ST3GAL3: variants seen among roughly 807,000 people sequenced by gnomAD.
ST3GAL3 encodes the protein ST3 beta-galactoside alpha-2,3-sialyltransferase 3.
ST3GAL3 carries 21 observed loss-of-function variants against 50.1 expected under a neutral mutation model. The observed-to-expected ratio is 0.42, with a 90% CI of 0.30 to 0.60. ST3GAL3 has a LOEUF of 0.60. Among genes scored for constraint, ST3GAL3 ranks in the 20% least tolerant of loss-of-function variants. The probability of loss-of-function intolerance (pLI) is 0.19; values close to 1 mark genes in which losing one functional copy is unlikely to be tolerated. For synonymous variants in ST3GAL3, 183 were observed against 190.0 expected, an observed-to-expected ratio of 0.96 and a Z score of 0.30; for missense variants, 353 against 489.4, an observed-to-expected ratio of 0.72 and a Z score of 2.63.
chr1:43,716,735 G>T (rs916937962), intron 1 of ST3GAL3, among the ~76,000 whole-genome samples: 17 of 152,168 alleles, frequency 1.1e-4, no homozygotes, highest in Admixed American at 1.1e-3. Flanking sequence ...ATCTGACTTA[G>T]GGACTGCATG....
At chr1:43,815,883 T>TTGGATGGATGGATGGA (rs3838469) in intron 4 of ST3GAL3, among the ~76,000 whole-genome samples, 176 of 145,392 alleles carry the variant, frequency 1.2e-3, no homozygotes, top group African/African-American at 3.0e-3. Context: ...GAATGCTTGG[T>TTGGATGGATGGATGGA]TGGATGGATG....
intron 5 of ST3GAL3, chr1:43,851,051 C>T (rs374926953): frequency 3.5e-6 from 3 of 847,310 alleles, no homozygotes; most frequent in African/African-American, 1.7e-5. Flanking sequence ...CTGATATGTG[C>T]CATGTCCACC....
At chr1:43,803,171 G>A (rs987837784) in intron 3 of ST3GAL3, among the ~76,000 whole-genome samples, 10 of 152,070 alleles carry the variant, frequency 6.6e-5, no homozygotes, top group South Asian at 2.1e-4. Context: ...TGATCCGCCC[G>A]CGTTGGCCTC....
intron 3 of ST3GAL3, among the ~76,000 whole-genome samples, chr1:43,797,848 C>T (rs918264835): frequency 2.0e-5 from 3 of 152,140 alleles, no homozygotes; most frequent in Non-Finnish European, 4.4e-5. Flanking sequence ...AAGGAATCTA[C>T]AAAAACATTC....
chr1:43,781,300 C>T (rs1265498254), intron 2 of ST3GAL3, among the ~76,000 whole-genome samples: 1 of 152,118 alleles, frequency 6.6e-6, no homozygotes, highest in Non-Finnish European at 1.5e-5. Context: ...TGTGACCTGA[C>T]TTAAAAATGA....
At chr1:43,843,820 G>T (rs1558544258) in intron 5 of ST3GAL3, among the ~76,000 whole-genome samples, 1 of 152,124 alleles carries the variant, frequency 6.6e-6, no homozygotes. Context: ...GACACTAATG[G>T]GTGTCCTATA....
chr1:43,790,016 G>A (rs16831192), intron 2 of ST3GAL3, among the ~76,000 whole-genome samples: 7,768 of 152,218 alleles, frequency 0.051, 654 homozygotes, highest in African/African-American at 0.18. Context: ...TTTCTTGGCA[G>A]ATTTCAAAGC....
At chr1:43,890,128 T>G (rs984704735) in intron 5 of ST3GAL3, among the ~76,000 whole-genome samples, 5 of 152,168 alleles carry the variant, frequency 3.3e-5, no homozygotes, top group Non-Finnish European at 5.9e-5. Context: ...AAAAAAATTA[T>G]AGTTAAAATT....
chr1:43,893,367 G>C (rs1046759425), intron 5 of ST3GAL3, among the ~76,000 whole-genome samples: 1 of 152,222 alleles, frequency 6.6e-6, no homozygotes. Context: ...AGGCCCCATT[G>C]CAGAATTCTC....
chr1:43,849,749 C>T (rs745735356), intron 5 of ST3GAL3, among the ~76,000 whole-genome samples: 2 of 152,164 alleles, frequency 1.3e-5, no homozygotes, highest in African/African-American at 2.4e-5. Context: ...GCAAAACCCT[C>T]CCACCATACT....
At chr1:43,744,247 TCAA>T (rs1301429070) in intron 2 of ST3GAL3, among the ~76,000 whole-genome samples, 1 of 152,120 alleles carries the variant, frequency 6.6e-6, no homozygotes, top group Non-Finnish European at 1.5e-5. Context: ...TTCCTTCAAA[TCAA>T]GCATCTTCTT....
At chr1:43,843,458 G>A (rs970437992) in intron 5 of ST3GAL3, among the ~76,000 whole-genome samples, 11 of 151,990 alleles carry the variant, frequency 7.2e-5, no homozygotes, top group African/African-American at 2.4e-4. Context: ...TTTGGTCTTG[G>A]TGTATTGTTC....
intron 2 of ST3GAL3, among the ~76,000 whole-genome samples, chr1:43,771,464 T>C (rs1695142738): frequency 6.6e-6 from 1 of 152,062 alleles, no homozygotes. Flanking sequence ...TTCACACCAT[T>C]CTCCTGCCTC....
intron 1 of ST3GAL3, among the ~76,000 whole-genome samples, chr1:43,712,517 A>G (rs1214451699): frequency 6.6e-6 from 1 of 152,206 alleles, no homozygotes; most frequent in Non-Finnish European, 1.5e-5. Context: ...CCTGGCCTCA[A>G]AGAACCTCCA....
intron 6 of ST3GAL3, among the ~76,000 whole-genome samples, chr1:43,895,422 A>G (rs1487125222): frequency 6.6e-6 from 1 of 152,240 alleles, no homozygotes; most frequent in African/African-American, 2.4e-5. Context: ...GGTGGAAAAT[A>G]ATCTGGACTT....
intron 1 of ST3GAL3, among the ~76,000 whole-genome samples, chr1:43,734,603 C>T (rs1395390527): frequency 6.6e-6 from 1 of 152,092 alleles, no homozygotes; most frequent in Admixed American, 6.5e-5. Flanking sequence ...AGCCACTGTG[C>T]CCAGCCCACC....
At chr1:43,901,325 G>A (rs1310205077) in intron 9 of ST3GAL3, among the ~76,000 whole-genome samples, 3 of 152,196 alleles carry the variant, frequency 2.0e-5, no homozygotes, top group African/African-American at 7.2e-5. Context: ...TTACCCTTCA[G>A]TGCTCAGTCA....
chr1:43,851,369 T>C (rs2067271935), intron 5 of ST3GAL3: 2 of 1,589,634 alleles, frequency 1.3e-6, no homozygotes, highest in East Asian at 4.5e-5. Context: ...ACTCAAAGTT[T>C]GCAGGGGAGC....
chr1:43,898,555 T>G (rs2077731576), intron 7 of ST3GAL3: 2 of 555,326 alleles, frequency 3.6e-6, no homozygotes, highest in Non-Finnish European at 6.6e-6. Context: ...CTGAACACAC[T>G]GGGGCTGGGA....
Sources: gnomAD v4.1 joint callset for allele counts (sites outside exome capture counted in the v4.1 genomes callset) on GRCh38, gnomAD v4.1.1 for gene constraint, MANE v1.5 for transcripts, NCBI Gene and HGNC (gene_info 2026-07-23, HGNC 2026-07-21) for gene names.